Variants in CDKN2AIPNL observed in about 807,000 individuals in gnomAD.
CDKN2AIPNL encodes the protein XRN2 binding domain containing 1, also known as CDKN2AIP N-terminal-like protein.
In CDKN2AIPNL, 9 loss-of-function variants were observed where a neutral mutation model predicts 12.9. The observed-to-expected ratio is 0.70, with a 90% CI of 0.42 to 1.22. The LOEUF (loss-of-function observed/expected upper bound fraction) is 1.22. CDKN2AIPNL is among the 50% of genes most tolerant of loss of function. CDKN2AIPNL has a pLI of 0.00. For missense variants in CDKN2AIPNL, 143 were observed against 153.6 expected, an observed-to-expected ratio of 0.93 and a Z score of 0.37; for synonymous variants, 53 against 61.7, an observed-to-expected ratio of 0.86 and a Z score of 0.66.
At chr5:134,405,016 T>C (rs1171641020) in intron 2 of CDKN2AIPNL, among the ~76,000 whole-genome samples, 1 of 151,596 alleles carries the variant, frequency 6.6e-6, no homozygotes, top group African/African-American at 2.4e-5. Flanking sequence ...ACTCTCAACC[T>C]CAAATGATCC....
chr5:134,409,999 G>C lies in CDKN2AIPNL; in HGVS notation c.243C>G (p.Tyr81Ter), dbSNP rs1759167501. The C allele has an allele frequency of 6.2e-7, 1 of 1,604,430 alleles. No individual in the cohort carries two copies. Among genetic ancestry groups the C allele is most frequent in the African/African-American group, 1.3e-5 (1 of 74,522 alleles). ...TCACCTTGTCTAAAAGGTCTTTATT[G>C]TAACTGCACAATAAAAAGTAGTAAG... ...WANHLFLGCS[Y>*]NKDLLDKVME... Residue 81 changes from tyrosine to a stop codon, truncating the protein, a stop_gained, in exon 2 of 3, where the codon TAC (tyrosine) becomes TAG (stop). Transcript: ENST00000458198. LOFTEE classifies it high-confidence loss of function.
intron 1 of CDKN2AIPNL, 52 bp downstream of exon 1, chr5:134,411,564 T>C: frequency 2.0e-6 from 3 of 1,515,522 alleles, no homozygotes; most frequent in Non-Finnish European, 2.7e-6. Context: ...GGGAGAGGCC[T>C]TGAGGGTCGG....
chr5:134,402,843 T>G lies in CDKN2AIPNL; in HGVS notation c.*72A>C, dbSNP rs542144122. ...AGGAGTCTTAAGAGAGCTGCTGTGG[T>G]CTATGTCACATTCATCCCAGCCTCC... On this transcript the variant is annotated 3_prime_UTR_variant, in exon 3 of 3. Transcript: ENST00000458198. 1,278 of 1,375,732 alleles carry G rather than the reference T, an allele frequency of 9.3e-4. 2 individuals carry two copies. The highest frequency in any genetic ancestry group is 1.2e-3 in the Non-Finnish European group (1,180 of 974,194). The allele number at this position is 1,375,732 out of a possible 1,614,324, so 85.2% of individuals were successfully genotyped here.
chr5:134,407,338 C>T (rs1759120991), intron 2 of CDKN2AIPNL, among the ~76,000 whole-genome samples: 2 of 151,764 alleles, frequency 1.3e-5, no homozygotes, highest in Admixed American at 1.3e-4. Flanking sequence ...ACGTGCCAAA[C>T]CTCCTTAGTC....
At position 134,402,461 on chromosome 5, in the gene CDKN2AIPNL, C is replaced by G. The variant is rs1462616958; in HGVS notation, c.*454G>C. The G allele has an allele frequency of 2.0e-5, 3 of 153,550 alleles. No homozygotes were observed. The highest frequency in any genetic ancestry group is 7.2e-5 in the African/African-American group (3 of 41,458). The allele number at this position is 153,550 out of a possible 1,614,324, so 9.5% of individuals were successfully genotyped here. ...TAAAAACTGAAAATATATCGCGCCA[C>G]TGCACTACTGCCTGGGCAACAGAGC... On this transcript the variant is annotated 3_prime_UTR_variant, in exon 3 of 3. Coordinates refer to ENST00000458198, the MANE Select transcript of CDKN2AIPNL (RefSeq NM_080656.3).
At chr5:134,407,232 G>T (rs1372721935) in intron 2 of CDKN2AIPNL, among the ~76,000 whole-genome samples, 3 of 145,642 alleles carry the variant, frequency 2.1e-5, no homozygotes, top group Non-Finnish European at 3.0e-5. Flanking sequence ...GACCCCTTTA[G>T]GATGTTTCAG....
At chr5:134,408,946 T>C (rs1759148864) in intron 2 of CDKN2AIPNL, among the ~76,000 whole-genome samples, 1 of 152,168 alleles carries the variant, frequency 6.6e-6, no homozygotes. Flanking sequence ...ATTAGTTCCT[T>C]GACACCCATA....
intron 1 of CDKN2AIPNL, among the ~76,000 whole-genome samples, chr5:134,410,296 T>A (rs1439649617): frequency 6.6e-6 from 1 of 152,084 alleles, no homozygotes; most frequent in Non-Finnish European, 1.5e-5. Context: ...CCACCACGCC[T>A]GGCTAATTTT....
chr5:134,408,738 G>C (rs1187583344), intron 2 of CDKN2AIPNL, among the ~76,000 whole-genome samples: 1 of 152,022 alleles, frequency 6.6e-6, no homozygotes, highest in African/African-American at 2.4e-5. Context: ...TTTACTTACT[G>C]ATTTTTTGTC....
chr5:134,403,612 T>C (rs1027271116), intron 2 of CDKN2AIPNL, among the ~76,000 whole-genome samples: 5 of 152,228 alleles, frequency 3.3e-5, no homozygotes, highest in African/African-American at 1.2e-4. Context: ...TATTTCCTAG[T>C]TAGACCAGTG....
intron 2 of CDKN2AIPNL, among the ~76,000 whole-genome samples, chr5:134,405,352 G>C (rs371182533): frequency 3.4e-4 from 52 of 151,226 alleles, no homozygotes; most frequent in African/African-American, 1.0e-3. Context: ...TGATCCGCCC[G>C]CCTCGGCCTC....
At position 134,411,881 on chromosome 5, in the gene CDKN2AIPNL, T is replaced by G. The variant is rs753596291; in HGVS notation, c.-27A>C. 52 of 1,539,520 alleles carry G rather than the reference T, an allele frequency of 3.4e-5. 1 individual carries two copies. Among genetic ancestry groups the G allele is most frequent in the Admixed American group, 2.9e-4 (15 of 50,980 alleles). On this transcript the variant is annotated 5_prime_UTR_variant, in exon 1 of 3. Transcript: ENST00000458198. ...GTGCCCGCCGCAGCCGAGGACCGGA[T>G]AGCCCGCCGCCTTCCCGACGCGCAC...
intron 2 of CDKN2AIPNL, among the ~76,000 whole-genome samples, chr5:134,408,736 C>A (rs1759145873): frequency 6.6e-6 from 1 of 152,074 alleles, no homozygotes; most frequent in African/African-American, 2.4e-5. Flanking sequence ...ATTTTACTTA[C>A]TGATTTTTTG....
chr5:134,402,582 G>A lies in CDKN2AIPNL; in HGVS notation c.*333C>T, dbSNP rs1759043929. ...TGCAATGAGCCAATACTGCACCTTT[G>A]TGCTTCTGCCTGGGCGACAGAGTGA... is the stretch of plus-strand genomic sequence containing the variant. On this transcript the variant is annotated 3_prime_UTR_variant, in exon 3 of 3. Transcript: ENST00000458198. The A allele has an allele frequency of 8.9e-6, 2 of 225,888 alleles. No homozygotes were observed. The highest frequency in any genetic ancestry group is 4.5e-5 in the African/African-American group (2 of 44,046). The allele number at this position is 225,888 out of a possible 1,614,324, so 14.0% of individuals were successfully genotyped here.
intron 2 of CDKN2AIPNL, among the ~76,000 whole-genome samples, chr5:134,407,296 C>CACACACA (rs1223265783): frequency 9.9e-5 from 14 of 140,876 alleles, no homozygotes; most frequent in African/African-American, 3.6e-4. Flanking sequence ...CACACACACA[C>CACACACA]ACTTCACACT....
At chr5:134,407,631 C>T (rs1162977755) in intron 2 of CDKN2AIPNL, among the ~76,000 whole-genome samples, 3 of 151,702 alleles carry the variant, frequency 2.0e-5, no homozygotes, top group African/African-American at 4.8e-5. Flanking sequence ...AAAAAATAGC[C>T]GCGCGTGGTG....
chr5:134,409,898 T>C lies in CDKN2AIPNL; in HGVS notation c.339+5A>G, dbSNP rs1455296761. ...TCATCACATGCACTTGGAAATCCTA[T>C]TTACCTTTTTCATTAATTCACTTCT... is the stretch of plus-strand genomic sequence containing the variant. On this transcript the variant is annotated splice_donor_5th_base_variant and intron_variant, in intron 2 of 2. Transcript: ENST00000458198. 42 of 1,590,514 alleles carry C rather than the reference T, an allele frequency of 2.6e-5. No homozygotes were observed. Among genetic ancestry groups the C allele is most frequent in the Non-Finnish European group, 3.6e-5 (42 of 1,160,830 alleles).
At chr5:134,411,355 C>T (rs1415810829) in intron 1 of CDKN2AIPNL, among the ~76,000 whole-genome samples, 3 of 152,206 alleles carry the variant, frequency 2.0e-5, no homozygotes, top group Non-Finnish European at 4.4e-5. Context: ...TTTGAACCCG[C>T]CATGTATTTA....
rs185931798 is a variant in CDKN2AIPNL, at chr5:134,403,777, A to G, written c.340-851T>C. 2.0e-4 allele frequency among the ~76,000 whole-genome samples: 31 copies of G among 152,264 alleles called. No individual in the cohort carries two copies. The East Asian group carries it at 6.0e-3, about 29-fold the overall frequency. On this transcript the variant is annotated intron_variant, in intron 2 of 2. Coordinates refer to ENST00000458198, the MANE Select transcript of CDKN2AIPNL (RefSeq NM_080656.3). ...GTAGCTGTGATTACAGGTACCTGCCACTGCGCCCGGCTAATTTTTGTAGTT... is the reference window on the plus strand; with the variant it reads ...GTAGCTGTGATTACAGGTACCTGCCGCTGCGCCCGGCTAATTTTTGTAGTT...
Sources: allele counts gnomAD v4.1 joint callset (sites outside exome capture counted in the v4.1 genomes callset), GRCh38; gene constraint gnomAD v4.1.1; transcripts MANE v1.5; gene names NCBI Gene and HGNC (gene_info 2026-07-23, HGNC 2026-07-21).